The following EDIL3 variants were observed in gnomAD, a reference collection of about 807,000 sequenced individuals.
EDIL3 encodes EGF like and discoidin domains 3.
Under a neutral mutation model 67.4 loss-of-function variants are expected in EDIL3, and 37 were observed. The ratio of observed to expected loss-of-function variants is 0.55; its 90% CI spans 0.42 to 0.72. EDIL3 has a LOEUF of 0.72. Ranked by LOEUF, EDIL3 falls within the 30% of genes least tolerant of loss-of-function variation. The pLI is 0.00. For synonymous variants in EDIL3, 195 were observed against 196.3 expected, an observed-to-expected ratio of 0.99 and a Z score of 0.05; for missense variants, 527 against 586.3, an observed-to-expected ratio of 0.90 and a Z score of 1.04.
At chr5:84,184,252 A>G (rs1456859165) in intron 3 of EDIL3, among the ~76,000 whole-genome samples, 1 of 152,252 alleles carries the variant, frequency 6.6e-6, no homozygotes, top group Non-Finnish European at 1.5e-5. Context: ...ATGTCTTTGT[A>G]AAAGTGAAAC....
chr5:84,101,637 G>A (rs1172405913), intron 6 of EDIL3, among the ~76,000 whole-genome samples: 1 of 151,942 alleles, frequency 6.6e-6, no homozygotes. Context: ...AAATTCAAAT[G>A]AGTAGACAAA....
Position 83,976,953 on chromosome 5 carries a change from A to C in EDIL3, c.1138-13593T>G, listed in dbSNP as rs374618158. ...TATTTTTACTGCACCATAACATTCC[A>C]TATATGCATAAATGACAATATATTT... On this transcript the variant is annotated intron_variant, in intron 9 of 10. Transcript: ENST00000296591. Among the ~76,000 whole-genome samples, 23 of 151,920 alleles carry C rather than the reference A, an allele frequency of 1.5e-4. No homozygotes were observed. In the East Asian group the frequency reaches 3.1e-3, roughly 21 times the overall value.
At chr5:84,051,082 C>T (rs1233964792) in intron 9 of EDIL3, among the ~76,000 whole-genome samples, 1 of 152,150 alleles carries the variant, frequency 6.6e-6, no homozygotes, top group Non-Finnish European at 1.5e-5. Flanking sequence ...CAGACTGACA[C>T]CTCACACAGC....
At chr5:83,958,485 A>G (rs1348401243) in intron 10 of EDIL3, among the ~76,000 whole-genome samples, 1 of 151,520 alleles carries the variant, frequency 6.6e-6, no homozygotes, top group Non-Finnish European at 1.5e-5. Flanking sequence ...TGGAAAATCC[A>G]GGTAAAGTTT....
chr5:84,007,719 G>T (rs553699293), intron 9 of EDIL3, among the ~76,000 whole-genome samples: 2 of 152,208 alleles, frequency 1.3e-5, no homozygotes, highest in African/African-American at 4.8e-5. Flanking sequence ...ACAGTATGGA[G>T]ATTCTTCAAA....
chr5:84,149,500 C>T (rs979502565), intron 4 of EDIL3, among the ~76,000 whole-genome samples: 1 of 152,102 alleles, frequency 6.6e-6, no homozygotes, highest in Non-Finnish European at 1.5e-5. Flanking sequence ...CCTAACGAAT[C>T]TTATAAGCAA....
At chr5:84,037,730 A>C (rs2112209881) in intron 9 of EDIL3, among the ~76,000 whole-genome samples, 1 of 152,306 alleles carries the variant, frequency 6.6e-6, no homozygotes, top group South Asian at 2.1e-4. Context: ...GAGTTGAATA[A>C]CGGGAAGAAC....
Position 84,137,223 on chromosome 5 carries a change from A to G in EDIL3, c.469+18T>C. 6.3e-7 allele frequency: 1 copy of G among 1,582,764 alleles called. No homozygotes were observed. Among genetic ancestry groups the G allele is most frequent in the South Asian group, 1.1e-5 (1 of 90,290 alleles). On this transcript the variant is annotated intron_variant, in intron 5 of 10. Coordinates refer to ENST00000296591, the MANE Select transcript of EDIL3 (RefSeq NM_005711.5). The stretch of plus-strand genomic sequence containing the variant: ...CACACACACACACACACACACATAC[A>G]CACACGTGAATACTTACTGTATTGA...
intron 5 of EDIL3, among the ~76,000 whole-genome samples, chr5:84,122,538 G>A (rs1442982819): frequency 6.6e-6 from 1 of 151,688 alleles, no homozygotes; most frequent in Non-Finnish European, 1.5e-5. Flanking sequence ...AATTGTAATT[G>A]AGGCAATTGA....
In EDIL3 at chr5:84,106,909, AT is replaced by A. The variant is rs374293796; in HGVS notation, c.470-80del. 4.2e-4 allele frequency: 607 copies of A among 1,435,750 alleles called. 2 individuals are homozygous for A. The East Asian group carries it at 0.012, about 30-fold the overall frequency. 88.9% of individuals were successfully genotyped at this position (1,435,750 alleles called of 1,614,324 possible). A position where few individuals can be genotyped will look rare whatever the true frequency, so the allele number is the denominator to read the frequency against. ...ACATGTGTCTGTTCGATTTGATAGG[AT>A]TTTTTTAAATGATTTGAATTTGCAC... On this transcript the variant is annotated intron_variant, in intron 5 of 10. Coordinates refer to ENST00000296591, the MANE Select transcript of EDIL3 (RefSeq NM_005711.5).
At chr5:84,049,165 C>A (rs1402441888) in intron 9 of EDIL3, among the ~76,000 whole-genome samples, 5 of 152,116 alleles carry the variant, frequency 3.3e-5, no homozygotes, top group African/African-American at 4.8e-5. Context: ...ATAGACATTT[C>A]AAAGTTTTTA....
chr5:84,318,283 C>A (rs891691840), intron 1 of EDIL3, among the ~76,000 whole-genome samples: 1 of 152,118 alleles, frequency 6.6e-6, no homozygotes, highest in Non-Finnish European at 1.5e-5. Context: ...CCACAATTTT[C>A]CTCACAGAAT....
At chr5:84,012,099 T>C (rs966755981) in intron 9 of EDIL3, among the ~76,000 whole-genome samples, 2 of 152,120 alleles carry the variant, frequency 1.3e-5, no homozygotes, top group African/African-American at 4.8e-5. Flanking sequence ...ACTATTACTA[T>C]TTACATCCAC....
intron 1 of EDIL3, among the ~76,000 whole-genome samples, chr5:84,288,730 C>T (rs1050886252): frequency 6.6e-6 from 1 of 152,134 alleles, no homozygotes; most frequent in Non-Finnish European, 1.5e-5. Context: ...GACTACTCAA[C>T]TTAAAATTGC....
At chr5:83,998,349 G>A (rs771431888) in intron 9 of EDIL3, among the ~76,000 whole-genome samples, 13 of 152,140 alleles carry the variant, frequency 8.5e-5, no homozygotes, top group African/African-American at 2.9e-4. Context: ...AAGGGAACTC[G>A]CTACGTTGAA....
rs530527375 is a variant in EDIL3 at position 84,101,562 on chromosome 5, G to T, written c.651+5087C>A. 2.3e-3 allele frequency among the ~76,000 whole-genome samples: 356 copies of T among 152,058 alleles called. 2 individuals are homozygous for T. Among genetic ancestry groups the T allele is most frequent in the Non-Finnish European group, 4.0e-3 (275 of 67,954 alleles). On this transcript the variant is annotated intron_variant, in intron 6 of 10. Coordinates refer to ENST00000296591, the MANE Select transcript of EDIL3 (RefSeq NM_005711.5). ...GTGAACACCTCTGTGCACACAAACT[G>T]GAAAGTCTAGAAGAAATGGATAAAT...
chr5:84,086,911 C>T (rs1580320385), intron 6 of EDIL3, among the ~76,000 whole-genome samples: 1 of 151,946 alleles, frequency 6.6e-6, no homozygotes, highest in Non-Finnish European at 1.5e-5. Flanking sequence ...CCTCTGAGTT[C>T]CTGGAAGGAT....
In EDIL3 at chr5:84,060,440, A is replaced by G. The variant is rs780875387; in HGVS notation, c.997T>C (p.Tyr333His). ...LGMKSGHIQD[Y>H]QITASSIFRT... is the part of the protein sequence containing the mutation. The stretch of plus-strand genomic sequence containing the variant: ...AAGATGCTGGAGGCAGTGATCTGAT[A>G]GTCTTGTATATGTCCTGATTTCATA... Residue 333 changes from tyrosine (Y) to histidine (H), a missense_variant, in exon 9 of 11, where the codon TAT (tyrosine) becomes CAT (histidine). Coordinates refer to ENST00000296591, the MANE Select transcript of EDIL3 (RefSeq NM_005711.5). The G allele has an allele frequency of 9.9e-6, 16 of 1,613,686 alleles. No homozygotes were observed. Among genetic ancestry groups the G allele is most frequent in the Non-Finnish European group, 1.3e-5 (15 of 1,179,830 alleles).
chr5:84,144,570 G>C (rs188909529), intron 4 of EDIL3, among the ~76,000 whole-genome samples: 2 of 152,172 alleles, frequency 1.3e-5, no homozygotes, highest in East Asian at 3.9e-4. Context: ...CTAGGGAAAA[G>C]TGCTTTTGAA....
Sources: allele counts gnomAD v4.1 joint callset (sites outside exome capture counted in the v4.1 genomes callset), GRCh38; gene constraint gnomAD v4.1.1; transcripts MANE v1.5; gene names NCBI Gene and HGNC (gene_info 2026-07-23, HGNC 2026-07-21).